Variants in ADAMTS17 observed in about 807,000 individuals in gnomAD.
The protein encoded by ADAMTS17 is ADAM metallopeptidase with thrombospondin type 1 motif 17, also known as A disintegrin and metalloproteinase with thrombospondin motifs 17.
ADAMTS17 carries 113 observed loss-of-function variants against 141.5 expected under a neutral mutation model. The ratio of observed to expected loss-of-function variants is 0.80; its 90% confidence interval spans 0.69 to 0.93. ADAMTS17 has a LOEUF of 0.93. Among genes scored for constraint, ADAMTS17 ranks in the 40% least tolerant of loss-of-function variants. The pLI is 0.00. For missense variants in ADAMTS17, 1,659 were observed against 1,517.9 expected, an observed-to-expected ratio of 1.09 and a Z score of -1.54; for synonymous variants, 768 against 630.6, an observed-to-expected ratio of 1.22 and a Z score of -3.27.
At chr15:100,180,688 A>G (rs1374163736) in intron 8 of ADAMTS17, among the ~76,000 whole-genome samples, 3 of 152,204 alleles carry the variant, frequency 2.0e-5, no homozygotes, top group East Asian at 3.8e-4. Flanking sequence ...GTCCCCTTCA[A>G]TAGCTTGCAT....
intron 8 of ADAMTS17, among the ~76,000 whole-genome samples, chr15:100,175,495 G>A (rs2040307059): frequency 6.6e-6 from 1 of 152,114 alleles, no homozygotes; most frequent in African/African-American, 2.4e-5. Context: ...TAATTCTTTA[G>A]GAAAAGAAAA....
At chr15:100,094,326 A>G (rs1433300403) in intron 15 of ADAMTS17, among the ~76,000 whole-genome samples, 2 of 152,242 alleles carry the variant, frequency 1.3e-5, no homozygotes, top group Non-Finnish European at 2.9e-5. Context: ...TGTCATGGCC[A>G]CAGGGGTCTG....
chr15:100,076,291 C>T (rs1352588562), intron 15 of ADAMTS17, among the ~76,000 whole-genome samples: 1 of 152,138 alleles, frequency 6.6e-6, no homozygotes, highest in African/African-American at 2.4e-5. Context: ...GATCCACCTG[C>T]CCCGGCCTCC....
Position 100,048,942 on chromosome 15 carries a change from T to C in ADAMTS17, c.2506A>G (p.Thr836Ala), listed in dbSNP as rs780180315. Residue 836 changes from threonine (T) to alanine (A), a missense_variant, in exon 18 of 22, where the codon ACT (threonine) becomes GCT (alanine). Physicochemically the swap from Thr to Ala is moderately conservative, Grantham distance 58. Transcript: ENST00000268070. ...SCTRIVNKTT[T>A]LVNDSDCPQA... ...GGGCAGTCACTGTCGTTCACCAGAG[T>C]TGTGGTCTTGTTGACAATCCGTGTA... 6.2e-7 allele frequency: 1 copy of C among 1,614,090 alleles called. No individual in the cohort carries two copies.
At chr15:100,012,551 G>T (rs1313329097) in intron 18 of ADAMTS17, among the ~76,000 whole-genome samples, 2 of 152,164 alleles carry the variant, frequency 1.3e-5, no homozygotes, top group African/African-American at 4.8e-5. Flanking sequence ...GTCTTGAGTT[G>T]ATTTCTGTTA....
Position 100,309,188 on chromosome 15 carries a change from T to C in ADAMTS17, c.616+21701A>G, listed in dbSNP as rs114679671. 5.4e-3 allele frequency among the ~76,000 whole-genome samples: 817 copies of C among 152,088 alleles called. 8 individuals are homozygous for C. The highest frequency in any genetic ancestry group is 0.018 in the African/African-American group (766 of 41,494). On this transcript the variant is annotated intron_variant, in intron 3 of 21. Transcript: ENST00000268070. ...TCCTGGGCAGCACAGTGAGACCTCA[T>C]CTCCACAAAAAAATAATCAGCTGGG...
intron 2 of ADAMTS17, among the ~76,000 whole-genome samples, chr15:100,333,809 G>A (rs2046127151): frequency 6.6e-6 from 1 of 152,230 alleles, no homozygotes; most frequent in South Asian, 2.1e-4. Flanking sequence ...CTAGCTATGA[G>A]CCTGTGCCTT....
chr15:100,116,393 C>T (rs1458991320), intron 13 of ADAMTS17, among the ~76,000 whole-genome samples: 1 of 152,174 alleles, frequency 6.6e-6, no homozygotes, highest in Non-Finnish European at 1.5e-5. Flanking sequence ...AAAATGTTCC[C>T]CAACATCCTA....
intron 8 of ADAMTS17, chr15:100,168,656 A>T (rs1030682418): frequency 6.6e-6 from 1 of 152,214 alleles, no homozygotes; most frequent in African/African-American, 2.4e-5. Context: ...CCTCAGTTTT[A>T]GGGAAGTCTA....
Position 100,214,668 on chromosome 15 carries a change from C to T in ADAMTS17, c.1076-15245G>A, listed in dbSNP as rs114731403. Among the ~76,000 whole-genome samples, 599 of 152,324 alleles carry T rather than the reference C, an allele frequency of 3.9e-3. 5 individuals carry two copies. The highest frequency in any genetic ancestry group is 0.013 in the African/African-American group (552 of 41,554). ...TAATGGTACTGCTGACCTGGCCATG[C>T]TCTATTCTTCCGGGCACTGGAAATC... On this transcript the variant is annotated intron_variant, in intron 7 of 21. Coordinates refer to ENST00000268070, the MANE Select transcript of ADAMTS17 (RefSeq NM_139057.4).
At position 100,152,736 on chromosome 15, in the gene ADAMTS17, A is replaced by C. The variant is rs1176640259; in HGVS notation, c.1349T>G (p.Val450Gly). The change falls in exon 10 of 22, where the codon GTC becomes GGC. Residue 450 changes from valine (V) to glycine (G), a missense_variant. Val to Gly is a moderately radical substitution (Grantham distance 109). Transcript: ENST00000268070. Reference protein sequence around the residue: ...LKSKVSTCLLVTDPRSQHTVR... With the variant: ...LKSKVSTCLLGTDPRSQHTVR... ...TGTGTGCTGGCTTCTGGGGTCCGTG[A>C]CTAGCAAGCAGGTGCTGACTTTTGA... 1 of 1,614,080 alleles carries C rather than the reference A, an allele frequency of 6.2e-7. No homozygotes were observed. The highest frequency in any genetic ancestry group is 2.2e-5 in the East Asian group (1 of 44,870).
chr15:100,157,786 C>T (rs1178355588), intron 8 of ADAMTS17, among the ~76,000 whole-genome samples: 1 of 152,134 alleles, frequency 6.6e-6, no homozygotes, highest in Non-Finnish European at 1.5e-5. Context: ...GATTCAGTCT[C>T]GTCCTCATGC....
chr15:100,270,568 G>T (rs1186106005), intron 4 of ADAMTS17, among the ~76,000 whole-genome samples: 4 of 151,744 alleles, frequency 2.6e-5, no homozygotes, highest in African/African-American at 9.7e-5. Flanking sequence ...AAGGATGCTG[G>T]TATATGGCAT....
chr15:100,132,924 T>C (rs763722049), intron 11 of ADAMTS17, among the ~76,000 whole-genome samples: 6 of 152,242 alleles, frequency 3.9e-5, no homozygotes, highest in Non-Finnish European at 7.3e-5. Flanking sequence ...TGTTTTTCCA[T>C]TTGAAATATA....
chr15:100,252,791 T>G (rs1316004839), intron 7 of ADAMTS17, among the ~76,000 whole-genome samples: 1 of 152,204 alleles, frequency 6.6e-6, no homozygotes, highest in Admixed American at 6.5e-5. Flanking sequence ...CGCTCTCAGA[T>G]CTGGTTAGAG....
intron 3 of ADAMTS17, 148 bp downstream of exon 3, chr15:100,330,741 A>G (rs2046025497): frequency 2.0e-6 from 2 of 978,034 alleles, no homozygotes; most frequent in Non-Finnish European, 3.0e-6. Context: ...TAGAAAGGAA[A>G]AGGAAGTGGT....
intron 7 of ADAMTS17, among the ~76,000 whole-genome samples, chr15:100,203,188 CT>C (rs1195666730): frequency 6.6e-6 from 1 of 152,164 alleles, no homozygotes; most frequent in African/African-American, 2.4e-5. Flanking sequence ...CAAGCGTGTG[CT>C]TGTGTCCTAA....
At chr15:100,307,037 G>T (rs1455079516) in intron 3 of ADAMTS17, among the ~76,000 whole-genome samples, 1 of 152,182 alleles carries the variant, frequency 6.6e-6, no homozygotes, top group South Asian at 2.1e-4. Flanking sequence ...CATCCCAAAA[G>T]TCTGGGTTCA....
At position 100,171,765 on chromosome 15, in the gene ADAMTS17, C is replaced by A. The variant is rs910376670; in HGVS notation, c.1182-16445G>T. On this transcript the variant is annotated intron_variant, in intron 8 of 21. Coordinates refer to ENST00000268070, the MANE Select transcript of ADAMTS17 (RefSeq NM_139057.4). ...TCCCGGCAGCCTGGCTCAGTGCTCACCACATGGAAGGGGCTGGTAAATGTT... is the reference window on the plus strand; with the variant it reads ...TCCCGGCAGCCTGGCTCAGTGCTCAACACATGGAAGGGGCTGGTAAATGTT... Among the ~76,000 whole-genome samples the A allele has an allele frequency of 1.3e-4, 20 of 152,308 alleles. 1 individual carries two copies. The highest frequency in any genetic ancestry group is 9.1e-4 in the Admixed American group (14 of 15,308).
Sources: allele counts gnomAD v4.1 joint callset (sites outside exome capture counted in the v4.1 genomes callset), GRCh38; gene constraint gnomAD v4.1.1; transcripts MANE v1.5; gene names NCBI Gene and HGNC (gene_info 2026-07-23, HGNC 2026-07-21).